The following SP110 variants were observed in gnomAD, a reference collection of about 807,000 sequenced individuals.
The protein encoded by SP110 is SP110 nuclear body protein.
In SP110, 62 loss-of-function variants were observed where a neutral mutation model predicts 92.7. That is an observed-to-expected ratio of 0.67 (90% CI 0.55 to 0.83). The LOEUF is 0.83. SP110 is among the 40% of genes least tolerant of loss of function. The probability of loss-of-function intolerance (pLI) is 0.00; values close to 1 mark genes in which losing one functional copy is unlikely to be tolerated. For missense variants in SP110, 793 were observed against 863.9 expected (o/e 0.92, Z 1.03); for synonymous variants, 273 against 305.3 (o/e 0.89, Z 1.10).
chr2:230,211,428 A>G lies in SP110; in HGVS notation c.751+42T>C. On this transcript the variant is annotated intron_variant, in intron 6 of 18. Transcript: ENST00000258381. This position sits in a 1 kb window ranked among gnomAD's most constrained non-coding sequence, Gnocchi z 4.2. The stretch of plus-strand genomic sequence containing the variant: ...AATGGCTTTTCCTCTTAGTAAACAC[A>G]GAAACAAAGGCAAGCTTTTAGGTTG... 5.5e-6 allele frequency: 7 copies of G among 1,268,898 alleles called. No homozygotes were observed. The highest frequency in any genetic ancestry group is 8.1e-6 in the Non-Finnish European group (7 of 864,886). The allele number at this position is 1,268,898 out of a possible 1,614,324, so 78.6% of individuals were successfully genotyped here.
chr2:230,212,716 C>G (rs765388398), intron 4 of SP110, 45 bp downstream of exon 4: 1 of 1,612,276 alleles, frequency 6.2e-7, no homozygotes, highest in South Asian at 1.1e-5. Context: ...GCACAGGCAC[C>G]TTAGGCTGAG....
chr2:230,183,901 A>G (rs554027903), intron 11 of SP110, among the ~76,000 whole-genome samples: 1 of 152,372 alleles, frequency 6.6e-6, no homozygotes, highest in South Asian at 2.1e-4. Flanking sequence ...TACAAATACT[A>G]GAATAAAGGG....
At position 230,211,332 on chromosome 2, in the gene SP110, T is replaced by A; in HGVS notation, c.751+138A>T. 1 of 716,218 alleles carries A rather than the reference T, an allele frequency of 1.4e-6. No homozygotes were observed. Among genetic ancestry groups the A allele is most frequent in the Admixed American group, 2.0e-5 (1 of 50,574 alleles). 44.4% of individuals were successfully genotyped at this position (716,218 alleles called of 1,614,324 possible). A position where few individuals can be genotyped will look rare whatever the true frequency, so the allele number is the denominator to read the frequency against. The stretch of plus-strand genomic sequence containing the variant: ...TCTCCTGCCTGTTCAAGCTCCCAAG[T>A]GCTGGGTGAACTGGAAGCTGGGCCA... On this transcript the variant is annotated intron_variant, in intron 6 of 18. Coordinates refer to ENST00000258381, the MANE Select transcript of SP110 (RefSeq NM_080424.4). The surrounding 1 kb of genome is among the most constrained non-coding windows in gnomAD (Gnocchi z 4.2).
chr2:230,183,766 C>T (rs1560537920), intron 11 of SP110, 126 bp from the exon 12 acceptor site: 2 of 722,852 alleles, frequency 2.8e-6, no homozygotes, highest in Non-Finnish European at 5.0e-6. Context: ...CATATGAGTC[C>T]TTATGAAAGG....
At chr2:230,181,844 A>G (rs1253012685) in intron 12 of SP110, among the ~76,000 whole-genome samples, 1 of 152,274 alleles carries the variant, frequency 6.6e-6, no homozygotes, top group Non-Finnish European at 1.5e-5. Context: ...ACACTTTTAT[A>G]CTATTGGTGG....
chr2:230,215,846 G>A (rs1037749795), intron 2 of SP110, among the ~76,000 whole-genome samples: 2 of 152,132 alleles, frequency 1.3e-5, no homozygotes, highest in Non-Finnish European at 2.9e-5. Context: ...GTAGTGTTAC[G>A]GAGGGAAAGC....
In SP110 at chr2:230,215,706, G is replaced by A. The variant is rs558930721; in HGVS notation, c.148-588C>T. 6.8e-4 allele frequency among the ~76,000 whole-genome samples: 104 copies of A among 152,208 alleles called. 1 individual carries two copies. Among genetic ancestry groups the A allele is most frequent in the Admixed American group, 1.0e-3 (16 of 15,288 alleles). On this transcript the variant is annotated intron_variant, in intron 2 of 18. Coordinates refer to ENST00000258381, the MANE Select transcript of SP110 (RefSeq NM_080424.4). ...TGAACATCTACTAGGCTCGGTCAGC[G>A]AGTCTTTGGGTACACAGCACTGAAT...
Position 230,211,591 on chromosome 2 carries a change from A to T in SP110, c.668-38T>A, listed in dbSNP as rs1184169490. On this transcript the variant is annotated intron_variant, in intron 5 of 18. Coordinates refer to ENST00000258381, the MANE Select transcript of SP110 (RefSeq NM_080424.4). The surrounding 1 kb of genome is among the most constrained non-coding windows in gnomAD (Gnocchi z 4.2). ...AGAAAAAGTTTTAGATCTCAGGAACAGCAAGCAGGGACCAGAATGAGGAGA... is the reference window on the plus strand; with the variant it reads ...AGAAAAAGTTTTAGATCTCAGGAACTGCAAGCAGGGACCAGAATGAGGAGA... The T allele has an allele frequency of 8.2e-7, 1 of 1,213,050 alleles. No individual in the cohort carries two copies. Among genetic ancestry groups the T allele is most frequent in the South Asian group, 1.2e-5 (1 of 83,034 alleles). 75.1% of individuals were successfully genotyped at this position (1,213,050 alleles called of 1,614,324 possible).
In SP110 at chr2:230,166,096, G is replaced by A. The variant is rs1398016478; in HGVS notation, c.*3028C>T. Among the ~76,000 whole-genome samples, 2 of 152,124 alleles carry A rather than the reference G, an allele frequency of 1.3e-5. No individual in the cohort carries two copies. Among genetic ancestry groups the A allele is most frequent in the East Asian group, 1.9e-4 (1 of 5,190 alleles). On this transcript the variant is annotated 3_prime_UTR_variant, in exon 19 of 19. Coordinates refer to ENST00000258381, the MANE Select transcript of SP110 (RefSeq NM_080424.4). Reference sequence around the variant, plus strand: ...TTTAGTAGAGACGGGGTTTCACCACGTTGGTCAGGCTGGTCTCGATCTCTT... The same window carrying A: ...TTTAGTAGAGACGGGGTTTCACCACATTGGTCAGGCTGGTCTCGATCTCTT...
intron 7 of SP110, among the ~76,000 whole-genome samples, chr2:230,208,392 T>C (rs907402085): frequency 1.3e-5 from 2 of 152,202 alleles, no homozygotes; most frequent in Admixed American, 6.5e-5. Context: ...GTAATGCAGA[T>C]TCTTGTGTGA....
intron 14 of SP110, among the ~76,000 whole-genome samples, chr2:230,175,386 T>TA (rs56315623): frequency 0.31 from 47,237 of 151,600 alleles, 7,727 homozygotes; most frequent in Non-Finnish European, 0.38. Flanking sequence ...AAGAAAAGTT[T>TA]AAAAAAAAAC....
intron 12 of SP110, 82 bp from the exon 13 acceptor site, chr2:230,178,337 T>G: frequency 1.2e-6 from 1 of 810,782 alleles, no homozygotes; most frequent in Middle Eastern, 2.2e-4. Context: ...TGAATTCCAA[T>G]AATGTACAGG....
intron 14 of SP110, 22 bp downstream of exon 14, chr2:230,177,516 A>G (rs770976507): frequency 8.7e-6 from 14 of 1,612,946 alleles, no homozygotes; most frequent in African/African-American, 1.3e-5. Flanking sequence ...CCTGTCACCT[A>G]TCTGTCCCGT....
rs1399921775 is a variant in SP110 at position 230,215,089 on chromosome 2, G to A, written c.177C>T (p.Ile59=). 6.2e-7 allele frequency: 1 copy of A among 1,613,806 alleles called. No homozygotes were observed. The highest frequency in any genetic ancestry group is 1.7e-5 in the Admixed American group (1 of 60,008). The change falls in exon 3 of 19, where the codon ATC becomes ATT. Residue 59 remains isoleucine, a synonymous_variant. Coordinates refer to ENST00000258381, the MANE Select transcript of SP110 (RefSeq NM_080424.4). ...TGTTGTGCACCACTCTGGATACAGG[G>A]ATCAAATTTCTACAGGCTTCCAGAG... ...MESLEACRNL[I]PVSRVVHNIL...
rs1270519753 is a variant in SP110 at position 230,168,690 on chromosome 2, C to T, written c.*434G>A. On this transcript the variant is annotated 3_prime_UTR_variant, in exon 19 of 19. Coordinates refer to ENST00000258381, the MANE Select transcript of SP110 (RefSeq NM_080424.4). ...GACTATACCACTAAGAAAATGCAAC[C>T]AGAAAATTCCAGATTGCAAAAAATG... 6.1e-6 allele frequency: 1 copy of T among 163,266 alleles called. No individual in the cohort carries two copies. The highest frequency in any genetic ancestry group is 1.3e-5 in the Non-Finnish European group (1 of 74,286). 10.1% of individuals were successfully genotyped at this position (163,266 alleles called of 1,614,324 possible).
At chr2:230,174,807 C>A (rs1182769047) in intron 14 of SP110, among the ~76,000 whole-genome samples, 1 of 152,240 alleles carries the variant, frequency 6.6e-6, no homozygotes, top group Non-Finnish European at 1.5e-5. Flanking sequence ...TGGAGACAGA[C>A]GGACGTGCTG....
chr2:230,178,631 AT>A (rs1487313157), intron 12 of SP110, among the ~76,000 whole-genome samples: 19 of 152,292 alleles, frequency 1.2e-4, no homozygotes, highest in African/African-American at 3.4e-4. Context: ...GGAAAAAAAA[AT>A]CTTCATTTAT....
At chr2:230,192,402 A>G (rs2042675826) in intron 10 of SP110, among the ~76,000 whole-genome samples, 1 of 152,218 alleles carries the variant, frequency 6.6e-6, no homozygotes, top group Admixed American at 6.5e-5. Flanking sequence ...TCTCAGCCCA[A>G]AAACTTCTCG....
chr2:230,206,086 C>T (rs759804842), intron 8 of SP110, among the ~76,000 whole-genome samples: 6 of 152,138 alleles, frequency 3.9e-5, no homozygotes, highest in Non-Finnish European at 7.4e-5. Context: ...CTTAAAAGGA[C>T]ACCAGCCCTG....
Sources: allele counts gnomAD v4.1 joint callset (sites outside exome capture counted in the v4.1 genomes callset), GRCh38; gene constraint gnomAD v4.1.1; non-coding constraint Gnocchi (gnomAD v3.1); transcripts MANE v1.5; gene names NCBI Gene and HGNC (gene_info 2026-07-23, HGNC 2026-07-21).